The following KCNAB1 variants were observed in gnomAD, a reference collection of about 807,000 sequenced individuals.
KCNAB1 encodes the protein potassium voltage-gated channel subfamily A regulatory beta subunit 1, also known as voltage-gated potassium channel subunit beta-1.
KCNAB1 carries 35 observed loss-of-function variants against 64.6 expected under a neutral mutation model. The ratio of observed to expected loss-of-function variants is 0.54; its 90% confidence interval spans 0.41 to 0.72. KCNAB1 has a LOEUF of 0.72. Ranked by LOEUF, KCNAB1 falls within the 30% of genes least tolerant of loss-of-function variation. The pLI is 0.00. For synonymous variants in KCNAB1, 177 were observed against 183.8 expected, an observed-to-expected ratio of 0.96 and a Z score of 0.30; for missense variants, 401 against 512.9, an observed-to-expected ratio of 0.78 and a Z score of 2.11.
At chr3:156,235,996 T>A (rs972587052) in intron 1 of KCNAB1, among the ~76,000 whole-genome samples, 3 of 152,192 alleles carry the variant, frequency 2.0e-5, no homozygotes, top group Non-Finnish European at 4.4e-5. Flanking sequence ...AACCACCTAC[T>A]GGAGATGGTG....
chr3:156,158,622 T>C (rs1364712302), intron 1 of KCNAB1, among the ~76,000 whole-genome samples: 1 of 152,102 alleles, frequency 6.6e-6, no homozygotes, highest in Admixed American at 6.5e-5. Context: ...AGTCCAGAGG[T>C]AGGGAAAAAT....
intron 1 of KCNAB1, among the ~76,000 whole-genome samples, chr3:156,190,085 C>G (rs1490493965): frequency 6.6e-6 from 1 of 152,166 alleles, no homozygotes; most frequent in Non-Finnish European, 1.5e-5. Flanking sequence ...TATGTTGAGT[C>G]ATTAATCAAA....
At position 156,524,583 on chromosome 3, in the gene KCNAB1, T is replaced by C. The variant is rs551226008; in HGVS notation, c.1081+636T>C. 2.5e-3 allele frequency among the ~76,000 whole-genome samples: 372 copies of C among 151,636 alleles called. 3 individuals are homozygous for C. Among genetic ancestry groups the C allele is most frequent in the African/African-American group, 8.5e-3 (350 of 41,346 alleles). ...TAACACAGTGAAACCCCGTCTCTAC[T>C]AAAAACACCAAAAATTAGCCGGGCG... On this transcript the variant is annotated intron_variant, in intron 12 of 13. Transcript: ENST00000490337.
At chr3:156,242,512 C>A (rs1717217703) in intron 1 of KCNAB1, among the ~76,000 whole-genome samples, 1 of 152,110 alleles carries the variant, frequency 6.6e-6, no homozygotes, top group Non-Finnish European at 1.5e-5. Flanking sequence ...TATATCCTCT[C>A]TCTTGCTTTG....
chr3:156,248,691 A>G (rs930020870), intron 1 of KCNAB1, among the ~76,000 whole-genome samples: 3 of 152,170 alleles, frequency 2.0e-5, no homozygotes, highest in African/African-American at 7.2e-5. Flanking sequence ...CCGAAGTCAC[A>G]TGTTGACTTT....
chr3:156,320,897 G>T (rs540414036), intron 1 of KCNAB1, among the ~76,000 whole-genome samples: 3 of 149,310 alleles, frequency 2.0e-5, no homozygotes, highest in Admixed American at 6.6e-5. Context: ...CAGCACAAGT[G>T]CTTGCTTGTC....
chr3:156,301,563 C>A (rs1465261689), intron 1 of KCNAB1, among the ~76,000 whole-genome samples: 1 of 152,142 alleles, frequency 6.6e-6, no homozygotes, highest in East Asian at 1.9e-4. Context: ...TCTAAAGAGA[C>A]CCAAATAGAA....
intron 7 of KCNAB1, among the ~76,000 whole-genome samples, chr3:156,473,287 A>G (rs1714071239): frequency 6.6e-6 from 1 of 152,174 alleles, no homozygotes; most frequent in Admixed American, 6.5e-5. Context: ...AGTCTCAAAG[A>G]AAGGTCAGAG....
chr3:156,505,646 C>T (rs1716786727), intron 8 of KCNAB1, among the ~76,000 whole-genome samples: 1 of 151,962 alleles, frequency 6.6e-6, no homozygotes, highest in South Asian at 2.1e-4. Flanking sequence ...GTGTATTATG[C>T]CATTTTTGCA....
At chr3:156,279,595 T>G (rs1272237326) in intron 1 of KCNAB1, among the ~76,000 whole-genome samples, 3 of 151,896 alleles carry the variant, frequency 2.0e-5, no homozygotes, top group South Asian at 2.1e-4. Context: ...AGTGTAAAAG[T>G]GTTCCTATTT....
intron 11 of KCNAB1, among the ~76,000 whole-genome samples, chr3:156,521,708 A>G (rs1339679295): frequency 6.6e-6 from 1 of 152,174 alleles, no homozygotes; most frequent in African/African-American, 2.4e-5. Context: ...TTGCTTCCAT[A>G]TTTAATTAAC....
intron 1 of KCNAB1, among the ~76,000 whole-genome samples, chr3:156,218,959 G>C (rs910536355): frequency 2.0e-5 from 3 of 151,818 alleles, no homozygotes; most frequent in African/African-American, 7.3e-5. Flanking sequence ...AACCTGAACA[G>C]CAGCCCTTGA....
intron 1 of KCNAB1, among the ~76,000 whole-genome samples, chr3:156,200,277 C>T (rs1714240881): frequency 6.6e-6 from 1 of 152,226 alleles, no homozygotes; most frequent in Non-Finnish European, 1.5e-5. Flanking sequence ...TAGGAGGTGT[C>T]TCCCAGTTAG....
chr3:156,146,914 C>A (rs1308665875), intron 1 of KCNAB1, among the ~76,000 whole-genome samples: 2 of 152,142 alleles, frequency 1.3e-5, no homozygotes, highest in Non-Finnish European at 2.9e-5. Flanking sequence ...GAAAGCAAGG[C>A]CTTCAGTTGC....
chr3:156,524,442 T>C (rs1204678946), intron 12 of KCNAB1, among the ~76,000 whole-genome samples: 1 of 152,124 alleles, frequency 6.6e-6, no homozygotes, highest in East Asian at 1.9e-4. Flanking sequence ...TCATGATTGC[T>C]GGTAACAATT....
intron 1 of KCNAB1, among the ~76,000 whole-genome samples, chr3:156,420,166 T>C (rs1356172811): frequency 1.3e-5 from 2 of 152,234 alleles, no homozygotes; most frequent in African/African-American, 4.8e-5. Context: ...CGCTATGCCT[T>C]GCATTTGTTT....
intron 1 of KCNAB1, among the ~76,000 whole-genome samples, chr3:156,299,477 C>CCTAAATT (rs1721013953): frequency 6.6e-6 from 1 of 152,148 alleles, no homozygotes; most frequent in African/African-American, 2.4e-5. Flanking sequence ...GCACAGGCTT[C>CCTAAATT]TCAGGAAGAG....
At chr3:156,288,020 G>T (rs1281745538) in intron 1 of KCNAB1, among the ~76,000 whole-genome samples, 1 of 152,128 alleles carries the variant, frequency 6.6e-6, no homozygotes, top group Non-Finnish European at 1.5e-5. Context: ...AGACTAGGTG[G>T]CTTAAACAAC....
At chr3:156,430,061 A>G (rs1716100241) in intron 2 of KCNAB1, among the ~76,000 whole-genome samples, 2 of 152,232 alleles carry the variant, frequency 1.3e-5, no homozygotes, top group South Asian at 4.1e-4. Flanking sequence ...ACTTTTATGG[A>G]TAAAATCCTT....
Sources: gnomAD v4.1 joint callset for allele counts (sites outside exome capture counted in the v4.1 genomes callset) on GRCh38, gnomAD v4.1.1 for gene constraint, MANE v1.5 for transcripts, NCBI Gene and HGNC (gene_info 2026-07-23, HGNC 2026-07-21) for gene names.